Variants in MED16 observed in about 807,000 individuals in gnomAD.
MED16 encodes mediator complex subunit 16, also known as mediator of RNA polymerase II transcription subunit 16.
In MED16, 81 loss-of-function variants were observed where a neutral mutation model predicts 84.4. The ratio of observed to expected loss-of-function variants is 0.96; its 90% confidence interval spans 0.80 to 1.15. The LOEUF (loss-of-function observed/expected upper bound fraction) is 1.15, where lower values mean the gene tolerates loss of function less well. Among genes scored for constraint, MED16 ranks in the 50% most tolerant of loss-of-function variants. MED16 has a pLI of 0.00. For missense variants in MED16, 1,585 were observed against 1,245.9 expected (o/e 1.27, Z -4.10); for synonymous variants, 897 against 552.2 (o/e 1.62, Z -8.76).
chr19:873,018 T>G lies in MED16; in HGVS notation c.1905+431A>C, dbSNP rs1384026105. 3.2e-4 allele frequency: 48 copies of G among 148,298 alleles called. No individual in the cohort carries two copies. In the African/African-American group the frequency reaches 4.2e-3, roughly 13 times the overall value. The allele number at this position is 148,298 out of a possible 1,614,324, so 9.2% of individuals were successfully genotyped here. On this transcript the variant is annotated intron_variant, in intron 11 of 15. Coordinates refer to ENST00000325464, the MANE Select transcript of MED16 (RefSeq NM_005481.3). The stretch of plus-strand genomic sequence containing the variant: ...TCCGAGGTGGGGGAGGGCTCCGAGG[T>G]GGGGCAGGGCTCCGAGGTGGGGCAG...
intron 6 of MED16, 85 bp downstream of exon 6, chr19:884,818 T>A (rs1387498721): frequency 5.6e-6 from 6 of 1,073,982 alleles, no homozygotes; most frequent in Non-Finnish European, 8.2e-6. Flanking sequence ...CCACCCTGGG[T>A]GACACAGCAA....
chr19:883,545 C>A (rs1050559354), intron 6 of MED16, among the ~76,000 whole-genome samples: 1 of 152,036 alleles, frequency 6.6e-6, no homozygotes, highest in Non-Finnish European at 1.5e-5. Context: ...TCCCAGTGAC[C>A]CCCAGCTGCC....
chr19:874,283 T>G (rs1245617080), intron 10 of MED16, among the ~76,000 whole-genome samples: 1 of 152,040 alleles, frequency 6.6e-6, no homozygotes, highest in Non-Finnish European at 1.5e-5. Context: ...CCGGCTGATT[T>G]TTGTATTTTT....
intron 4 of MED16, among the ~76,000 whole-genome samples, chr19:887,866 A>G (rs1047546165): frequency 1.3e-5 from 2 of 151,856 alleles, no homozygotes; most frequent in Non-Finnish European, 2.9e-5. Context: ...GGGATGGATC[A>G]GGGTGATGCA....
chr19:879,427 ACCCCAGCCCCAC>A (rs2036358241), intron 8 of MED16, among the ~76,000 whole-genome samples: 6 of 13,318 alleles, frequency 4.5e-4, no homozygotes, highest in African/African-American at 7.3e-4. Flanking sequence ...ATGCCCACCA[ACCCCAGCCCCAC>A]GTGCCCCAGC....
At chr19:891,934 G>C (rs1220321412) in intron 1 of MED16, among the ~76,000 whole-genome samples, 1 of 140,228 alleles carries the variant, frequency 7.1e-6, no homozygotes, top group Non-Finnish European at 1.6e-5. Flanking sequence ...AGTGTGATGG[G>C]GAACACCTGT....
intron 8 of MED16, among the ~76,000 whole-genome samples, chr19:877,494 G>A (rs555610707): frequency 5.4e-4 from 75 of 138,744 alleles, no homozygotes; most frequent in Non-Finnish European, 8.9e-4. Flanking sequence ...TCCTAGTTAC[G>A]AAGCTCCTAA....
chr19:875,272 G>C lies in MED16; in HGVS notation c.1743C>G (p.Thr581=), dbSNP rs199855041. ...CGTCGGTGATCTTGGTGCAGATCTC[G>C]GTCAGCCGGTCGCCGGGGCTCTTGT... The part of the protein sequence containing the change: ...TPDKSPGDRL[T]EICTKITDVD... Residue 581 remains threonine, a synonymous_variant, in exon 10 of 16, where the codon ACC becomes ACG. Coordinates refer to ENST00000325464, the MANE Select transcript of MED16 (RefSeq NM_005481.3). The C allele has an allele frequency of 3.1e-6, 5 of 1,610,954 alleles. No individual in the cohort carries two copies. Among genetic ancestry groups the C allele is most frequent in the East Asian group, 4.5e-5 (2 of 44,882 alleles).
intron 4 of MED16, among the ~76,000 whole-genome samples, chr19:888,132 AG>A (rs2036561168): frequency 6.6e-6 from 1 of 151,918 alleles, no homozygotes; most frequent in Non-Finnish European, 1.5e-5. Flanking sequence ...TGAGCCCGGG[AG>A]GGAGAGGCTG....
At chr19:883,887 C>G (rs531608044) in intron 6 of MED16, among the ~76,000 whole-genome samples, 12 of 152,100 alleles carry the variant, frequency 7.9e-5, no homozygotes, top group Non-Finnish European at 1.5e-4. Context: ...GGCGAAGGAA[C>G]GAGCCCTGGG....
intron 13 of MED16, among the ~76,000 whole-genome samples, chr19:869,713 G>A (rs576619447): frequency 6.6e-6 from 1 of 152,226 alleles, no homozygotes; most frequent in East Asian, 1.9e-4. Flanking sequence ...CTTCCCCGGA[G>A]CAGGGCTGCT....
intron 10 of MED16, among the ~76,000 whole-genome samples, chr19:873,796 G>A (rs1174595315): frequency 6.6e-6 from 1 of 152,152 alleles, no homozygotes; most frequent in Non-Finnish European, 1.5e-5. Flanking sequence ...GCTGTGCTCA[G>A]CACCAACCAG....
At position 884,999 on chromosome 19, in the gene MED16, A is replaced by G. The variant is rs762041536; in HGVS notation, c.889T>C (p.Cys297Arg). ...ARDMSEQVLL[C>R]ASSQTSSIVE... Reference sequence around the variant, plus strand: ...ATGCTGCTGGTCTGGCTGGACGCGCACAAAAGCACCTGCGGGGGAGGTGGG... The same window carrying G: ...ATGCTGCTGGTCTGGCTGGACGCGCGCAAAAGCACCTGCGGGGGAGGTGGG... The change falls in exon 6 of 16, where the codon TGC becomes CGC. Residue 297 changes from cysteine to arginine, a missense_variant. Coordinates refer to ENST00000325464, the MANE Select transcript of MED16 (RefSeq NM_005481.3). 1 of 1,601,510 alleles carries G rather than the reference A, an allele frequency of 6.2e-7. No individual in the cohort carries two copies. Among genetic ancestry groups the G allele is most frequent in the East Asian group, 2.2e-5 (1 of 44,628 alleles).
intron 1 of MED16, among the ~76,000 whole-genome samples, chr19:892,169 G>A (rs1013515980): frequency 6.6e-6 from 1 of 152,068 alleles, no homozygotes; most frequent in East Asian, 1.9e-4. Context: ...AAAGCCCAGG[G>A]AGCCTGGAAT....
intron 10 of MED16, 29 bp from the exon 11 acceptor site, chr19:873,611 C>T (rs748892654): frequency 5.6e-6 from 9 of 1,610,408 alleles, no homozygotes; most frequent in Middle Eastern, 1.7e-4. Context: ...CGGGTCAGCT[C>T]GGGCCTCTTG....
Position 884,244 on chromosome 19 carries a change from A to T in MED16, c.985+659T>A, listed in dbSNP as rs547737105. On this transcript the variant is annotated intron_variant, in intron 6 of 15. Transcript: ENST00000325464. ...CAGGCCCGCAGCCTCCGAGGCTCTG[A>T]AAACCAAGCGGCTGTTCTGGTCCCC... is the stretch of plus-strand genomic sequence containing the variant. Among the ~76,000 whole-genome samples, 65 of 152,344 alleles carry T rather than the reference A, an allele frequency of 4.3e-4. 1 individual carries two copies. The highest frequency in any genetic ancestry group is 8.4e-4 in the Non-Finnish European group (57 of 68,030).
Position 868,172 on chromosome 19 carries a change from G to T in MED16, c.2563C>A (p.Pro855Thr). Reference protein sequence around the residue: ...EEAPAFVQLGPQSTHHSPRTP... With the variant: ...EEAPAFVQLGTQSTHHSPRTP... Reference sequence around the variant, plus strand: ...CTGGGAGAGTGGTGTGTGGACTGCGGGCCCAGCTGGACAAAGGCAGGGGCT... The same window carrying T: ...CTGGGAGAGTGGTGTGTGGACTGCGTGCCCAGCTGGACAAAGGCAGGGGCT... The change falls in exon 16 of 16, where the codon CCG (proline) becomes ACG (threonine). Residue 855 changes from proline to threonine, a missense_variant. Coordinates refer to ENST00000325464, the MANE Select transcript of MED16 (RefSeq NM_005481.3). The T allele has an allele frequency of 6.2e-7, 1 of 1,610,826 alleles. No homozygotes were observed. Among genetic ancestry groups the T allele is most frequent in the South Asian group, 1.1e-5 (1 of 90,790 alleles).
chr19:881,282 C>T (rs2036417769), intron 7 of MED16, among the ~76,000 whole-genome samples: 1 of 152,336 alleles, frequency 6.6e-6, no homozygotes, highest in Non-Finnish European at 1.5e-5. Context: ...GGAGTTCCAC[C>T]AAGTTCCCCA....
intron 12 of MED16, chr19:871,722 G>T: frequency 2.5e-6 from 3 of 1,217,560 alleles, no homozygotes; most frequent in Non-Finnish European, 2.3e-6. Context: ...TTATGTTCTG[G>T]CGGGGGGCTC....
Sources: allele counts gnomAD v4.1 joint callset (sites outside exome capture counted in the v4.1 genomes callset), GRCh38; gene constraint gnomAD v4.1.1; transcripts MANE v1.5; gene names NCBI Gene and HGNC (gene_info 2026-07-23, HGNC 2026-07-21).